Variants in NOL7 observed in about 807,000 individuals in gnomAD.
NOL7 encodes U3 small nucleolar RNA-associated protein NOL7.
NOL7 carries 36 observed loss-of-function variants against 38.4 expected under a neutral mutation model. That is an observed-to-expected ratio of 0.94 (90% confidence interval 0.72 to 1.24). The LOEUF (loss-of-function observed/expected upper bound fraction) is 1.24, where lower values mean the gene tolerates loss of function less well. Among genes scored for constraint, NOL7 ranks in the 50% most tolerant of loss-of-function variants. The pLI, the probability that NOL7 is intolerant of heterozygous loss-of-function variation, is 0.00. For synonymous variants in NOL7, 142 were observed against 126.5 expected (o/e 1.12, Z -0.82); for missense variants, 350 against 315.1 (o/e 1.11, Z -0.84).
exon 9 of NOL7, chr6:13,632,455 A>G: frequency 6.2e-7 from 1 of 1,613,940 alleles, no homozygotes; most frequent in Non-Finnish European, 8.5e-7. Flanking sequence ...TCCAAAGTGG[A>G]TCATTCTTTC....
exon 9 of NOL7, chr6:13,632,412 C>A: frequency 1.2e-6 from 2 of 1,613,968 alleles, no homozygotes; most frequent in Non-Finnish European, 8.5e-7. Flanking sequence ...CACAGTCTCT[C>A]CTTAGCTGTT....
chr6:13,620,304 T>C lies in NOL7; in HGVS notation c.597T>C (p.Tyr199=), dbSNP rs1432882843. 1 of 1,614,096 alleles carries C rather than the reference T, an allele frequency of 6.2e-7. No individual in the cohort carries two copies. The highest frequency in any genetic ancestry group is 8.5e-7 in the Non-Finnish European group (1 of 1,180,040). ...AAGCCTTCATACATAATTCATTATA[T>C]GGGCCAGGAACCAACAGGACTACTG... ...AAQAFIHNSL[Y]GPGTNRTTVN... The change falls in exon 6 of 8, where the codon TAT becomes TAC. Residue 199 remains tyrosine, a synonymous_variant. Transcript: ENST00000451315.
chr6:13,620,136 C>CT lies in NOL7; in HGVS notation c.501-71dup, dbSNP rs532630933. ...GCAGCCTGGGTGACAGAGCGAGACT[C>CT]TGTCTCAGGAAGAAAAAAAAAAGAA... is the stretch of plus-strand genomic sequence containing the variant. On this transcript the variant is annotated intron_variant, in intron 5 of 7. Transcript: ENST00000451315. 153 of 1,509,268 alleles carry CT rather than the reference C, an allele frequency of 1.0e-4. No homozygotes were observed. The African/African-American group carries it at 1.8e-3, about 17-fold the overall frequency. 93.5% of individuals were successfully genotyped at this position (1,509,268 alleles called of 1,614,324 possible).
chr6:13,619,979 ACC>A (rs1327083159), intron 5 of NOL7, among the ~76,000 whole-genome samples: 1 of 152,106 alleles, frequency 6.6e-6, no homozygotes, highest in African/African-American at 2.4e-5. Flanking sequence ...ACATGGTGAA[ACC>A]CCGTCTCTAC....
rs755876834 is a variant in NOL7 at position 13,620,398 on chromosome 6, T to C, written c.623-10T>C. On this transcript the variant is annotated splice_polypyrimidine_tract_variant and intron_variant, in intron 6 of 7. Transcript: ENST00000451315. ...AAAACTGTGAAATGATAAATACCTT[T>C]CTTTTCTAGTAAATAAGTTCCTGTC... is the stretch of plus-strand genomic sequence containing the variant. 2 of 1,614,080 alleles carry C rather than the reference T, an allele frequency of 1.2e-6. No homozygotes were observed. Among genetic ancestry groups the C allele is most frequent in the Non-Finnish European group, 1.7e-6 (2 of 1,179,942 alleles).
rs771749772 is a variant in NOL7 at position 13,618,111 on chromosome 6, G to A, written c.472G>A (p.Val158Ile). ...TGAAAAAGGAAATGACTCCAAGAAA[G>A]TTAAAGTACAAAAAGTACAGTCTGT... ...DCEKGNDSKK[V>I]KVQKVQSVSQ... The change falls in exon 5 of 8, where the codon GTT becomes ATT. Residue 158 changes from valine to isoleucine, a missense_variant. Coordinates refer to ENST00000451315, the MANE Select transcript of NOL7 (RefSeq NM_016167.5). 3.7e-5 allele frequency: 59 copies of A among 1,592,182 alleles called. No individual in the cohort carries two copies. Among genetic ancestry groups the A allele is most frequent in the Admixed American group, 5.1e-5 (3 of 58,976 alleles).
chr6:13,630,310 A>T (rs1212816003), intron 8 of NOL7, among the ~76,000 whole-genome samples: 1 of 152,194 alleles, frequency 6.6e-6, no homozygotes, highest in Non-Finnish European at 1.5e-5. Flanking sequence ...ATCTTCACAC[A>T]ATTCAGTATA....
intron 8 of NOL7, among the ~76,000 whole-genome samples, chr6:13,629,680 C>G (rs906860156): frequency 6.6e-6 from 1 of 152,130 alleles, no homozygotes; most frequent in African/African-American, 2.4e-5. Context: ...CAATGCCTCT[C>G]CACACTGCAA....
Position 13,620,302 on chromosome 6 carries a change from T to C in NOL7, c.595T>C (p.Tyr199His). Residue 199 changes from tyrosine (Y) to histidine (H), a missense_variant, in exon 6 of 8, where the codon TAT becomes CAT. Tyr to His is a moderately conservative substitution (Grantham distance 83). Transcript: ENST00000451315. ...ACAAGCCTTCATACATAATTCATTA[T>C]ATGGGCCAGGAACCAACAGGACTAC... Reference protein sequence around the residue: ...AAQAFIHNSLYGPGTNRTTVN... With the variant: ...AAQAFIHNSLHGPGTNRTTVN... 6.2e-7 allele frequency: 1 copy of C among 1,614,212 alleles called. No individual in the cohort carries two copies. Among genetic ancestry groups the C allele is most frequent in the African/African-American group, 1.3e-5 (1 of 75,072 alleles).
At chr6:13,619,676 G>A (rs1441521876) in intron 5 of NOL7, among the ~76,000 whole-genome samples, 1 of 152,108 alleles carries the variant, frequency 6.6e-6, no homozygotes, top group Admixed American at 6.6e-5. Flanking sequence ...AAAAGTCCAG[G>A]AACAAGTTCT....
In NOL7 at chr6:13,620,777, A is replaced by C; in HGVS notation, c.724A>C (p.Lys242Gln). 1 of 1,601,754 alleles carries C rather than the reference A, an allele frequency of 6.2e-7. No homozygotes were observed. Among genetic ancestry groups the C allele is most frequent in the Non-Finnish European group, 8.5e-7 (1 of 1,174,832 alleles). The change falls in exon 8 of 8, where the codon AAG becomes CAG. Residue 242 changes from lysine to glutamine, a missense_variant. By Grantham distance (53) the Lys-to-Gln change is moderately conservative (BLOSUM62 1). Transcript: ENST00000451315. ...AGGAATCCAAAAAAAACAAAATGCC[A>C]AGAGGTTTAAAAGACGGTGGATGGT... ...AWGIQKKQNA[K>Q]RFKRRWMVRK...
intron 7 of NOL7, 77 bp from the exon 8 acceptor site, chr6:13,620,677 C>T (rs1038538653): frequency 1.6e-5 from 17 of 1,036,934 alleles, no homozygotes; most frequent in Non-Finnish European, 2.4e-5. Flanking sequence ...TTAGTAATTA[C>T]ATTCATATAG....
intron 8 of NOL7, among the ~76,000 whole-genome samples, chr6:13,628,130 T>G (rs1764673902): frequency 6.6e-6 from 1 of 152,256 alleles, no homozygotes; most frequent in African/African-American, 2.4e-5. Flanking sequence ...TCTAAAGTTG[T>G]TATCATGTCT....
At chr6:13,625,822 A>G, downstream of NOL7, 5 of 1,267,932 alleles carry the variant, frequency 3.9e-6, no homozygotes, top group Non-Finnish European at 4.6e-6. Context: ...TATGCTCACA[A>G]ATGTTTCCAA....
chr6:13,628,122 T>G (rs966426245), intron 8 of NOL7, among the ~76,000 whole-genome samples: 3 of 152,218 alleles, frequency 2.0e-5, no homozygotes, highest in Admixed American at 2.0e-4. Flanking sequence ...AATAATCATC[T>G]AAAGTTGTTA....
intron 4 of NOL7, 38 bp from the exon 5 acceptor site, chr6:13,618,020 C>A: frequency 1.7e-6 from 2 of 1,201,198 alleles, no homozygotes; most frequent in Non-Finnish European, 2.5e-6. Context: ...TTTATTTTTA[C>A]GTGAATGCTA....
In NOL7 at chr6:13,620,778, A is replaced by G. The variant is rs1337839622; in HGVS notation, c.725A>G (p.Lys242Arg). Residue 242 changes from lysine (K) to arginine (R), a missense_variant, in exon 8 of 8, where the codon AAG (lysine) becomes AGG (arginine). Coordinates refer to ENST00000451315, the MANE Select transcript of NOL7 (RefSeq NM_016167.5). ...AWGIQKKQNA[K>R]RFKRRWMVRK... ...GGAATCCAAAAAAAACAAAATGCCA[A>G]GAGGTTTAAAAGACGGTGGATGGTC... 11 of 1,603,072 alleles carry G rather than the reference A, an allele frequency of 6.9e-6. No homozygotes were observed. Among genetic ancestry groups the G allele is most frequent in the Non-Finnish European group, 6.8e-6 (8 of 1,175,306 alleles).
At chr6:13,627,370 C>T (rs781607415) in intron 8 of NOL7, among the ~76,000 whole-genome samples, 5 of 152,052 alleles carry the variant, frequency 3.3e-5, no homozygotes, top group Non-Finnish European at 5.9e-5. Context: ...TGGCTCACAC[C>T]TGTAATCCCA....
downstream of NOL7, chr6:13,622,600 C>T: frequency 8.6e-7 from 1 of 1,166,800 alleles, no homozygotes; most frequent in Non-Finnish European, 1.1e-6. Flanking sequence ...ACTCCCATAC[C>T]ACTCTGAAAT....
Sources: allele counts gnomAD v4.1 joint callset (sites outside exome capture counted in the v4.1 genomes callset), GRCh38; gene constraint gnomAD v4.1.1; transcripts MANE v1.5; gene names NCBI Gene and HGNC (gene_info 2026-07-23, HGNC 2026-07-21).